Variants in YARS2 observed in about 807,000 individuals in gnomAD.
YARS2 encodes tyrosyl-tRNA synthetase 2, also known as tyrosine--tRNA ligase, mitochondrial.
In YARS2, 38 loss-of-function variants were observed where a neutral mutation model predicts 45.0. That is an observed-to-expected ratio of 0.84 (90% CI 0.65 to 1.11). The LOEUF is 1.11. YARS2 is among the 50% of genes least tolerant of loss of function. The probability of loss-of-function intolerance (pLI) is 0.00; values close to 1 mark genes in which losing one functional copy is unlikely to be tolerated. For missense variants in YARS2, 602 were observed against 599.8 expected, an observed-to-expected ratio of 1.00 and a Z score of -0.04; for synonymous variants, 287 against 245.1, an observed-to-expected ratio of 1.17 and a Z score of -1.60.
In YARS2 at chr12:32,752,884, C is replaced by T. The variant is rs151228826; in HGVS notation, c.947+1034G>A. 257 of 279,950 alleles carry T rather than the reference C, an allele frequency of 9.2e-4. 1 individual carries two copies. Among genetic ancestry groups the T allele is most frequent in the African/African-American group, 5.4e-3 (241 of 44,848 alleles). The allele number at this position is 279,950 out of a possible 1,614,324, so 17.3% of individuals were successfully genotyped here. A position where few individuals can be genotyped will look rare whatever the true frequency, so the allele number is the denominator to read the frequency against. ...TTTGTAATAAGGCATGATAATCTTC[C>T]ACTCTGTTCTTCAAAAACATCTTGG... On this transcript the variant is annotated intron_variant, in intron 2 of 4. Coordinates refer to ENST00000324868, the MANE Select transcript of YARS2 (RefSeq NM_001040436.3).
Position 32,755,300 on chromosome 12 carries a change from T to C in YARS2, c.575A>G (p.His192Arg). Reference protein sequence around the residue: ...LVDFLAAVGGHFRMGTLLSRQ... With the variant: ...LVDFLAAVGGRFRMGTLLSRQ... ...GCTCAGCAGCGTCCCCATGCGGAAG[T>C]GACCCCCCACTGCCGCCAGGAAGTC... Residue 192 changes from histidine to arginine, a missense_variant, in exon 1 of 5, where the codon CAC (histidine) becomes CGC (arginine). By Grantham distance (29) the His-to-Arg change is conservative. Transcript: ENST00000324868. 1 of 1,614,068 alleles carries C rather than the reference T, an allele frequency of 6.2e-7. No homozygotes were observed. The highest frequency in any genetic ancestry group is 1.3e-5 in the African/African-American group (1 of 75,050).
In YARS2 at chr12:32,755,782, G is replaced by A. The variant is rs762083582; in HGVS notation, c.93C>T (p.Ala31=). Reference sequence around the variant, plus strand: ...CCAGTAACCCCTGAGCGCCCGAGTGGGCCTTACGCAGCCCCAAGGGCAACA... The same window carrying A: ...CCAGTAACCCCTGAGCGCCCGAGTGAGCCTTACGCAGCCCCAAGGGCAACA... ...SVLLPLGLRK[A]HSGAQGLLAA... The change falls in exon 1 of 5, where the codon GCC becomes GCT. Residue 31 remains alanine (A), a synonymous_variant. Coordinates refer to ENST00000324868, the MANE Select transcript of YARS2 (RefSeq NM_001040436.3). The A allele has an allele frequency of 1.9e-6, 3 of 1,613,848 alleles. No individual in the cohort carries two copies. The highest frequency in any genetic ancestry group is 2.2e-5 in the East Asian group (1 of 44,866).
At position 32,747,212 on chromosome 12, in the gene YARS2, G is replaced by A; in HGVS notation, c.1426C>T (p.Gln476Ter). 1 of 1,612,554 alleles carries A rather than the reference G, an allele frequency of 6.2e-7. No individual in the cohort carries two copies. The highest frequency in any genetic ancestry group is 8.5e-7 in the Non-Finnish European group (1 of 1,179,868). ...KRNFYIIKWL[Q>*]L ...ACCAGAAGGACTTTTCATCACAACTGAAGCCATTTTATAATGTAGAAATTT... is the reference window on the plus strand; with the variant it reads ...ACCAGAAGGACTTTTCATCACAACTAAAGCCATTTTATAATGTAGAAATTT... Residue 476 changes from glutamine to a stop codon, truncating the protein, a stop_gained, in exon 5 of 5, where the codon CAG becomes TAG. Coordinates refer to ENST00000324868, the MANE Select transcript of YARS2 (RefSeq NM_001040436.3). LOFTEE classifies it high-confidence loss of function.
At position 32,747,275 on chromosome 12, in the gene YARS2, GAA is replaced by G; in HGVS notation, c.1361_1362del (p.Ile454ThrfsTer9). ...PESVLIVGQH[I>X]LKNGLSLLKI... ...TTAAGTAAGGAAAGTCCATTCTTGA[GAA>G]TATGTTGTCCAACAATTAAAACACT... On this transcript the variant is annotated frameshift_variant, in exon 5 of 5. Coordinates refer to ENST00000324868, the MANE Select transcript of YARS2 (RefSeq NM_001040436.3). LOFTEE classifies it high-confidence loss of function. 3.1e-6 allele frequency: 5 copies of G among 1,613,912 alleles called. No homozygotes were observed. The highest frequency in any genetic ancestry group is 4.2e-6 in the Non-Finnish European group (5 of 1,179,840).
chr12:32,749,578 G>A (rs963003409), intron 4 of YARS2, among the ~76,000 whole-genome samples: 2 of 152,100 alleles, frequency 1.3e-5, no homozygotes, highest in Non-Finnish European at 2.9e-5. Flanking sequence ...GCTGTGAACT[G>A]TAACATTTTA....
chr12:32,750,449 C>T (rs1397686208), intron 3 of YARS2, among the ~76,000 whole-genome samples: 2 of 152,182 alleles, frequency 1.3e-5, no homozygotes, highest in African/African-American at 4.8e-5. Context: ...GATCAGCCCA[C>T]CTTGGCCTCC....
chr12:32,748,738 T>G (rs1955686229), intron 4 of YARS2, among the ~76,000 whole-genome samples: 1 of 152,164 alleles, frequency 6.6e-6, no homozygotes, highest in Non-Finnish European at 1.5e-5. Flanking sequence ...AATGGGTGCT[T>G]TTTCCAGGCA....
chr12:32,754,549 C>A (rs1436678790), intron 1 of YARS2, among the ~76,000 whole-genome samples: 1 of 152,166 alleles, frequency 6.6e-6, no homozygotes, highest in African/African-American at 2.4e-5. Context: ...CAAGGACTAA[C>A]ACTAGTTTCA....
chr12:32,753,877 T>A (rs1955794059), intron 2 of YARS2, 41 bp downstream of exon 2: 2 of 1,612,574 alleles, frequency 1.2e-6, no homozygotes, highest in Non-Finnish European at 1.7e-6. Context: ...CATCATGAGT[T>A]TATGGTGTCA....
chr12:32,755,267 C>T lies in YARS2; in HGVS notation c.608G>A (p.Ser203Asn). The change falls in exon 1 of 5, where the codon AGC (serine) becomes AAC (asparagine). Residue 203 changes from serine (S) to asparagine (N), a missense_variant. Transcript: ENST00000324868. ...FRMGTLLSRQ[S>N]VQLRLKSPEG... Reference sequence around the variant, plus strand: ...GGGGCTCTTGAGCCGCAGCTGCACGCTCTGCCGGCTCAGCAGCGTCCCCAT... The same window carrying T: ...GGGGCTCTTGAGCCGCAGCTGCACGTTCTGCCGGCTCAGCAGCGTCCCCAT... 6.2e-7 allele frequency: 1 copy of T among 1,614,146 alleles called. No individual in the cohort carries two copies. The highest frequency in any genetic ancestry group is 8.5e-7 in the Non-Finnish European group (1 of 1,180,046).
chr12:32,749,768 A>G lies in YARS2; in HGVS notation c.1274+169T>C, dbSNP rs549103965. Among the ~76,000 whole-genome samples the G allele has an allele frequency of 6.6e-5, 10 of 152,088 alleles. No homozygotes were observed. In the South Asian group the frequency reaches 1.0e-3, roughly 16 times the overall value. On this transcript the variant is annotated intron_variant, in intron 4 of 4. Transcript: ENST00000324868. Reference sequence around the variant, plus strand: ...GCTAATTTGTATTTTTAGTAGAGACAGGGTTTCACCGTGTTAGCCAGGATG... The same window carrying G: ...GCTAATTTGTATTTTTAGTAGAGACGGGGTTTCACCGTGTTAGCCAGGATG...
chr12:32,755,695 C>T lies in YARS2; in HGVS notation c.180G>A (p.Glu60=), dbSNP rs137922867. 48 of 1,614,242 alleles carry T rather than the reference C, an allele frequency of 3.0e-5. No homozygotes were observed. The African/African-American group carries it at 4.4e-4, about 15-fold the overall frequency. The change falls in exon 1 of 5, where the codon GAG becomes GAA. Residue 60 remains glutamate (E), a synonymous_variant. Transcript: ENST00000324868. ...TGCCACGGTCGAAGAGCTCTGGGAG[C>T]TCTATTTTCGTCCCCGTCTCCGGGA... ...DFFPETGTKI[E]LPELFDRGTA...
At chr12:32,753,764 A>G (rs1565559672) in intron 2 of YARS2, among the ~76,000 whole-genome samples, 154 bp downstream of exon 2, 1 of 152,268 alleles carries the variant, frequency 6.6e-6, no homozygotes, top group Non-Finnish European at 1.5e-5. Flanking sequence ...TTTAGAACAC[A>G]GTAAAAATTA....
chr12:32,750,143 T>C (rs1808696352), intron 3 of YARS2, 36 bp from the exon 4 acceptor site: 1 of 1,611,798 alleles, frequency 6.2e-7, no homozygotes, highest in Non-Finnish European at 8.5e-7. Flanking sequence ...ATCATATAAA[T>C]GTTTATTCAA....
At chr12:32,750,672 TC>T in intron 3 of YARS2, 46 bp downstream of exon 3, 2 of 1,607,512 alleles carry the variant, frequency 1.2e-6, no homozygotes, top group Admixed American at 3.3e-5. Flanking sequence ...CTCATGTCTA[TC>T]CACTGAATAA....
Position 32,751,155 on chromosome 12 carries a change from C to T in YARS2, c.948-281G>A, listed in dbSNP as rs139971581. Among the ~76,000 whole-genome samples, 2,991 of 151,704 alleles carry T rather than the reference C, an allele frequency of 0.02. 95 individuals carry two copies. Among genetic ancestry groups the T allele is most frequent in the African/African-American group, 0.069 (2,860 of 41,282 alleles). On this transcript the variant is annotated intron_variant, in intron 2 of 4. Coordinates refer to ENST00000324868, the MANE Select transcript of YARS2 (RefSeq NM_001040436.3). ...GATCATGGCTCACTGTAACCTCAAC[C>T]TCCTGGGCTCAAGCAATTCTACCAC...
At chr12:32,747,469 A>C in intron 4 of YARS2, 106 bp from the exon 5 acceptor site, 3 of 1,192,238 alleles carry the variant, frequency 2.5e-6, no homozygotes, top group Non-Finnish European at 3.7e-6. Flanking sequence ...AATTGAGAAG[A>C]TTTCATTTGG....
chr12:32,750,231 T>C, intron 3 of YARS2, 124 bp from the exon 4 acceptor site: 2 of 1,148,370 alleles, frequency 1.7e-6, no homozygotes, highest in Non-Finnish European at 2.5e-6. Flanking sequence ...AGATGGAGTC[T>C]CGCTCTGTTG....
At chr12:32,754,712 T>C (rs944271725) in intron 1 of YARS2, among the ~76,000 whole-genome samples, 2 of 86,768 alleles carry the variant, frequency 2.3e-5, no homozygotes, top group Non-Finnish European at 2.2e-5. Context: ...TCTGTTTCCC[T>C]TTTTTTTTTT....
Sources: allele counts gnomAD v4.1 joint callset (sites outside exome capture counted in the v4.1 genomes callset), GRCh38; gene constraint gnomAD v4.1.1; transcripts MANE v1.5; gene names NCBI Gene and HGNC (gene_info 2026-07-23, HGNC 2026-07-21).